Variants in MACROD2 observed in about 807,000 individuals in gnomAD.
MACROD2 encodes the protein mono-ADP ribosylhydrolase 2.
Under a neutral mutation model 70.4 loss-of-function variants are expected in MACROD2, and 36 were observed. The observed-to-expected ratio is 0.51, with a 90% confidence interval of 0.39 to 0.68. The LOEUF is 0.68. Ranked by LOEUF, MACROD2 falls within the 30% of genes least tolerant of loss-of-function variation. MACROD2 has a pLI of 0.00. For synonymous variants in MACROD2, 172 were observed against 178.8 expected, an observed-to-expected ratio of 0.96 and a Z score of 0.30; for missense variants, 496 against 538.4, an observed-to-expected ratio of 0.92 and a Z score of 0.78.
chr20:15,534,884 A>G (rs2047852695), intron 8 of MACROD2, among the ~76,000 whole-genome samples: 1 of 152,190 alleles, frequency 6.6e-6, no homozygotes, highest in Admixed American at 6.5e-5. Flanking sequence ...AACTGAATTC[A>G]GCTTCTGAAT....
chr20:14,248,597 A>C (rs2081986059), intron 3 of MACROD2, among the ~76,000 whole-genome samples: 2 of 152,046 alleles, frequency 1.3e-5, no homozygotes, highest in African/African-American at 2.4e-5. Flanking sequence ...TAATAATAAT[A>C]ATAATAAATA....
chr20:14,995,650 G>A (rs1014953435), intron 5 of MACROD2, among the ~76,000 whole-genome samples: 2 of 151,948 alleles, frequency 1.3e-5, no homozygotes, highest in African/African-American at 4.8e-5. Context: ...CGCTGTCAGT[G>A]GAATTAAGCT....
chr20:14,061,796 A>G (rs1403244965), intron 2 of MACROD2, among the ~76,000 whole-genome samples: 1 of 152,182 alleles, frequency 6.6e-6, no homozygotes, highest in Non-Finnish European at 1.5e-5. Flanking sequence ...CAGTAAGCTG[A>G]TAGCTCTTAC....
chr20:15,800,762 G>T (rs1318499564), intron 8 of MACROD2, among the ~76,000 whole-genome samples: 3 of 152,216 alleles, frequency 2.0e-5, no homozygotes, highest in East Asian at 3.9e-4. Flanking sequence ...GAAAGGAGGG[G>T]AAAAGATTGA....
intron 9 of MACROD2, among the ~76,000 whole-genome samples, chr20:15,883,780 C>G (rs973965168): frequency 6.6e-6 from 1 of 152,026 alleles, no homozygotes; most frequent in African/African-American, 2.4e-5. Context: ...AAATTTAATT[C>G]AGTGGACATT....
chr20:16,021,008 ATC>A, intron 15 of MACROD2, among the ~76,000 whole-genome samples: 1 of 152,252 alleles, frequency 6.6e-6, no homozygotes, highest in East Asian at 1.9e-4. Flanking sequence ...GTCAACAAAG[ATC>A]TCTCAGTAGC....
intron 8 of MACROD2, among the ~76,000 whole-genome samples, chr20:15,852,439 TTG>T (rs2064309927): frequency 6.6e-6 from 1 of 152,184 alleles, no homozygotes; most frequent in South Asian, 2.1e-4. Flanking sequence ...CTTTGAGAGT[TTG>T]TGGATTATAA....
At chr20:15,335,742 AAC>A (rs1403602349) in intron 6 of MACROD2, among the ~76,000 whole-genome samples, 4 of 151,660 alleles carry the variant, frequency 2.6e-5, no homozygotes, top group Admixed American at 2.6e-4. Flanking sequence ...CTTATGTAGA[AAC>A]ACACACACGC....
intron 15 of MACROD2, among the ~76,000 whole-genome samples, chr20:16,007,989 T>A (rs569655982): frequency 6.3e-4 from 96 of 152,322 alleles, no homozygotes; most frequent in African/African-American, 2.3e-3. Context: ...ATGATTTCCT[T>A]CCCAGCTGAT....
At chr20:14,333,097 A>G (rs2122621228) in intron 3 of MACROD2, among the ~76,000 whole-genome samples, 1 of 152,004 alleles carries the variant, frequency 6.6e-6, no homozygotes, top group South Asian at 2.1e-4. Context: ...AAGGACCTCT[A>G]ACTCTCCTCT....
chr20:14,582,474 T>A (rs765711590), intron 4 of MACROD2, among the ~76,000 whole-genome samples: 1 of 152,086 alleles, frequency 6.6e-6, no homozygotes, highest in African/African-American at 2.4e-5. Context: ...AGATTCTTGA[T>A]CAGTGTCCAC....
At chr20:15,805,546 G>C (rs1223522885) in intron 8 of MACROD2, among the ~76,000 whole-genome samples, 1 of 151,212 alleles carries the variant, frequency 6.6e-6, no homozygotes, top group East Asian at 1.9e-4. Context: ...GCACGATCTC[G>C]GCTCACCACA....
At position 14,100,249 on chromosome 20, in the gene MACROD2, G is replaced by C. The variant is rs1342146973; in HGVS notation, c.271+14521G>C. Among the ~76,000 whole-genome samples the C allele has an allele frequency of 2.0e-5, 3 of 151,862 alleles. No individual in the cohort carries two copies. The East Asian group carries it at 5.8e-4, about 29-fold the overall frequency. On this transcript the variant is annotated intron_variant, in intron 3 of 17. Transcript: ENST00000684519. The stretch of plus-strand genomic sequence containing the variant: ...TAATTTTAGAAAAATGTCTCAGAAA[G>C]TCTATTTCCATATGTGAAATATTCC...
chr20:14,254,451 G>C (rs991071835), intron 3 of MACROD2, among the ~76,000 whole-genome samples: 2 of 151,124 alleles, frequency 1.3e-5, no homozygotes, highest in African/African-American at 4.9e-5. Flanking sequence ...ATACAAATAG[G>C]GCCTAGTTTT....
intron 5 of MACROD2, among the ~76,000 whole-genome samples, chr20:14,978,772 G>T (rs940084056): frequency 2.5e-4 from 37 of 150,100 alleles, no homozygotes; most frequent in African/African-American, 8.8e-4. Context: ...AAACATTGCA[G>T]CTCTGCCAGC....
chr20:14,365,396 A>G (rs2083262664), intron 3 of MACROD2, among the ~76,000 whole-genome samples: 1 of 151,258 alleles, frequency 6.6e-6, no homozygotes, highest in Non-Finnish European at 1.5e-5. Flanking sequence ...AAATAATTAT[A>G]TAATAATATT....
At chr20:14,875,013 A>G (rs1162858650) in intron 5 of MACROD2, among the ~76,000 whole-genome samples, 1 of 151,996 alleles carries the variant, frequency 6.6e-6, no homozygotes, top group Non-Finnish European at 1.5e-5. Context: ...CCAAAGTTTC[A>G]TATTTCTTGT....
chr20:15,731,407 A>G lies in MACROD2; in HGVS notation c.646-131338A>G, dbSNP rs192232695. Among the ~76,000 whole-genome samples, 547 of 57,650 alleles carry G rather than the reference A, an allele frequency of 9.5e-3. 217 individuals are homozygous for G. Among genetic ancestry groups the G allele is most frequent in the African/African-American group, 0.024 (507 of 20,700 alleles). 37.8% of individuals were successfully genotyped at this position (57,650 alleles called of 152,430 possible). A position where few individuals can be genotyped will look rare whatever the true frequency, so the allele number is the denominator to read the frequency against. On this transcript the variant is annotated intron_variant, in intron 8 of 17. Transcript: ENST00000684519. ...GGGGGTTTGATTGTGGTATAAGGTGAGTTCAGTCAACTGGGTTGATTTCTG... is the reference window on the plus strand; with the variant it reads ...GGGGGTTTGATTGTGGTATAAGGTGGGTTCAGTCAACTGGGTTGATTTCTG...
intron 3 of MACROD2, among the ~76,000 whole-genome samples, chr20:14,227,496 C>T (rs1456587892): frequency 2.0e-5 from 3 of 151,936 alleles, no homozygotes; most frequent in African/African-American, 7.3e-5. Context: ...GCCTTAAGAG[C>T]TGTAACACTC....
Sources: gnomAD v4.1 joint callset for allele counts (sites outside exome capture counted in the v4.1 genomes callset) on GRCh38, gnomAD v4.1.1 for gene constraint, MANE v1.5 for transcripts, NCBI Gene and HGNC (gene_info 2026-07-23, HGNC 2026-07-21) for gene names.